Variants in KIRREL3 observed in about 807,000 individuals in gnomAD.
KIRREL3 encodes kin of IRRE-like protein 3.
KIRREL3 carries 36 observed loss-of-function variants against 89.7 expected under a neutral mutation model. That is an observed-to-expected ratio of 0.40 (90% CI 0.31 to 0.53). The LOEUF (loss-of-function observed/expected upper bound fraction) is 0.53. Among genes scored for constraint, KIRREL3 ranks in the 20% least tolerant of loss-of-function variants. The pLI is 0.49. For missense variants in KIRREL3, 864 were observed against 1,056.6 expected (o/e 0.82, Z 2.53); for synonymous variants, 445 against 441.4 (o/e 1.01, Z -0.10).
rs1804594412 is a variant in KIRREL3 at position 126,772,143 on chromosome 11, C to A, written c.56-209231G>T. Among the ~76,000 whole-genome samples the A allele has an allele frequency of 6.6e-6, 1 of 152,202 alleles. No individual in the cohort carries two copies. The highest frequency in any genetic ancestry group is 6.5e-5 in the Admixed American group (1 of 15,286). On this transcript the variant is annotated intron_variant, in intron 1 of 16. Transcript: ENST00000525144. The surrounding 1 kb of genome is among the most constrained non-coding windows in gnomAD (Gnocchi z 4.6). ...ACTAATGTCTTAGCTCTGGTCTGTT[C>A]TAGATTCCTCAACCTGAGCAGGTTC...
At chr11:126,929,613 C>CA (rs1947855819) in intron 1 of KIRREL3, among the ~76,000 whole-genome samples, 1 of 152,168 alleles carries the variant, frequency 6.6e-6, no homozygotes, top group Non-Finnish European at 1.5e-5. Context: ...AGGCCCCTGA[C>CA]CCAGTTTTGC....
chr11:126,972,973 C>T (rs1298468434), intron 1 of KIRREL3, among the ~76,000 whole-genome samples: 1 of 152,068 alleles, frequency 6.6e-6, no homozygotes, highest in Non-Finnish European at 1.5e-5. Context: ...CACCCTTTCA[C>T]TCAAGGAGGA....
rs1486347185 is a variant in KIRREL3, at chr11:126,521,773, C to G, written c.284-309G>C. Reference sequence around the variant, plus strand: ...TGTTTGTTAGTTTTTGAGACAGGGTCTTGCTCTGTCACTCAGATTGGAGTG... The same window carrying G: ...TGTTTGTTAGTTTTTGAGACAGGGTGTTGCTCTGTCACTCAGATTGGAGTG... On this transcript the variant is annotated intron_variant, in intron 3 of 16. Coordinates refer to ENST00000525144, the MANE Select transcript of KIRREL3 (RefSeq NM_032531.4). The surrounding 1 kb of genome is among the most constrained non-coding windows in gnomAD (Gnocchi z 4.1). Among the ~76,000 whole-genome samples, 1 of 151,484 alleles carries G rather than the reference C, an allele frequency of 6.6e-6. No homozygotes were observed. The highest frequency in any genetic ancestry group is 1.5e-5 in the Non-Finnish European group (1 of 67,972).
In KIRREL3 at chr11:126,687,644, TC is replaced by T. The variant is rs949606685; in HGVS notation, c.56-124733del. On this transcript the variant is annotated intron_variant, in intron 1 of 16. Coordinates refer to ENST00000525144, the MANE Select transcript of KIRREL3 (RefSeq NM_032531.4). The surrounding 1 kb of genome is among the most constrained non-coding windows in gnomAD (Gnocchi z 4.6). Reference sequence around the variant, plus strand: ...TGATAGAGTAAATCATTGATATTTTTCCCCATTGCTTCATTCAACAAATTTA... The same window carrying T: ...TGATAGAGTAAATCATTGATATTTTTCCCATTGCTTCATTCAACAAATTTA... Among the ~76,000 whole-genome samples, 6 of 152,212 alleles carry T rather than the reference TC, an allele frequency of 3.9e-5. No homozygotes were observed. The highest frequency in any genetic ancestry group is 1.4e-4 in the African/African-American group (6 of 41,456).
At chr11:126,536,976 G>A (rs953478353) in intron 2 of KIRREL3, among the ~76,000 whole-genome samples, 2 of 152,068 alleles carry the variant, frequency 1.3e-5, no homozygotes, top group Non-Finnish European at 2.9e-5. Flanking sequence ...TCCATGCTTG[G>A]AGGCGGCTCA....
Position 126,612,611 on chromosome 11 carries a change from T to C in KIRREL3, c.56-49699A>G, listed in dbSNP as rs1050398345. Among the ~76,000 whole-genome samples the C allele has an allele frequency of 1.3e-5, 2 of 152,222 alleles. No individual in the cohort carries two copies. Among genetic ancestry groups the C allele is most frequent in the Non-Finnish European group, 2.9e-5 (2 of 68,038 alleles). ...TTGCAACCATGGCCATGACCTCATT[T>C]TGGAACAATTTCATCGCCCCCAAAA... On this transcript the variant is annotated intron_variant, in intron 1 of 16. Transcript: ENST00000525144. This position sits in a 1 kb window ranked among gnomAD's most constrained non-coding sequence, Gnocchi z 4.5.
intron 1 of KIRREL3, among the ~76,000 whole-genome samples, chr11:126,966,344 G>A (rs1949269816): frequency 6.6e-6 from 1 of 152,178 alleles, no homozygotes; most frequent in African/African-American, 2.4e-5. Context: ...TTTGCCGATT[G>A]TCAGAGCAGC....
chr11:126,749,916 T>C (rs998136847), intron 1 of KIRREL3, among the ~76,000 whole-genome samples: 1 of 152,192 alleles, frequency 6.6e-6, no homozygotes, highest in African/African-American at 2.4e-5. Context: ...GAATCAGGGC[T>C]GTGTAGAGAA....
chr11:126,995,217 A>G lies in KIRREL3; in HGVS notation c.55+5238T>C. 1 of 456,192 alleles carries G rather than the reference A, an allele frequency of 2.2e-6. No homozygotes were observed. Among genetic ancestry groups the G allele is most frequent in the South Asian group, 1.5e-5 (1 of 64,552 alleles). The allele number at this position is 456,192 out of a possible 1,614,324, so 28.3% of individuals were successfully genotyped here. ...AGCTGCTCCCACCGACCCTGCTCCA[A>G]GAGTGCTGGGATGTCCGCTGGCCTC... is the stretch of plus-strand genomic sequence containing the variant. On this transcript the variant is annotated intron_variant, in intron 1 of 16. Coordinates refer to ENST00000525144, the MANE Select transcript of KIRREL3 (RefSeq NM_032531.4). This position sits in a 1 kb window ranked among gnomAD's most constrained non-coding sequence, Gnocchi z 6.5.
At chr11:126,512,788 G>A (rs73633718) in intron 4 of KIRREL3, among the ~76,000 whole-genome samples, 3,471 of 152,282 alleles carry the variant, frequency 0.023, 157 homozygotes, top group African/African-American at 0.079. Context: ...TCAGGAGGAA[G>A]GGAAGAGGAA....
rs1172455871 is a variant in KIRREL3, at chr11:126,611,413, C to T, written c.56-48501G>A. The stretch of plus-strand genomic sequence containing the variant: ...TGGTCTTTCTGATTGATCCATCAGT[C>T]TGCATTCTCCTTGCCGTCCTTGGTA... On this transcript the variant is annotated intron_variant, in intron 1 of 16. Coordinates refer to ENST00000525144, the MANE Select transcript of KIRREL3 (RefSeq NM_032531.4). The surrounding 1 kb of genome is among the most constrained non-coding windows in gnomAD (Gnocchi z 4.7). 1.3e-5 allele frequency among the ~76,000 whole-genome samples: 2 copies of T among 152,184 alleles called. No individual in the cohort carries two copies. The highest frequency in any genetic ancestry group is 2.9e-5 in the Non-Finnish European group (2 of 68,030).
At chr11:126,944,418 C>T (rs900029060) in intron 1 of KIRREL3, 1 of 152,206 alleles carries the variant, frequency 6.6e-6, no homozygotes, top group Non-Finnish European at 1.5e-5. Flanking sequence ...GGCACTTTGT[C>T]CAGGCCTCAC....
Position 126,568,302 on chromosome 11 carries a change from A to T in KIRREL3, c.56-5390T>A, listed in dbSNP as rs1940667209. On this transcript the variant is annotated intron_variant, in intron 1 of 16. Transcript: ENST00000525144. This position sits in a 1 kb window ranked among gnomAD's most constrained non-coding sequence, Gnocchi z 4.6. ...CACTGGTGCAGATGATGGATGGGAGATGAGCTCAGAGAAGGGAGGCTGGCT... is the reference window on the plus strand; with the variant it reads ...CACTGGTGCAGATGATGGATGGGAGTTGAGCTCAGAGAAGGGAGGCTGGCT... 6.7e-6 allele frequency among the ~76,000 whole-genome samples: 1 copy of T among 150,130 alleles called. No individual in the cohort carries two copies. The highest frequency in any genetic ancestry group is 2.1e-4 in the South Asian group (1 of 4,764).
chr11:126,842,719 A>C (rs1232210975), intron 1 of KIRREL3, among the ~76,000 whole-genome samples: 4 of 152,194 alleles, frequency 2.6e-5, no homozygotes, highest in African/African-American at 7.2e-5. Flanking sequence ...TGGAGCAACA[A>C]TTAGGGGCTG....
chr11:126,893,318 A>G (rs1487197638), intron 1 of KIRREL3, among the ~76,000 whole-genome samples: 2 of 152,224 alleles, frequency 1.3e-5, no homozygotes, highest in South Asian at 2.1e-4. Flanking sequence ...CAAAGGTAAC[A>G]CTAATTAGGT....
At chr11:126,456,287 C>G in intron 7 of KIRREL3, 62 bp downstream of exon 7, 1 of 1,137,882 alleles carries the variant, frequency 8.8e-7, no homozygotes, top group Non-Finnish European at 1.3e-6. Flanking sequence ...TGACATCCCA[C>G]GTGAGAGGCA....
At chr11:126,895,828 C>T (rs190245530) in intron 1 of KIRREL3, among the ~76,000 whole-genome samples, 320 of 152,244 alleles carry the variant, frequency 2.1e-3, no homozygotes, top group Non-Finnish European at 3.4e-3. Context: ...TGTCAGGAAC[C>T]CCAGTGACCA....
chr11:126,670,814 A>C (rs1471479387), intron 1 of KIRREL3, among the ~76,000 whole-genome samples: 2 of 152,256 alleles, frequency 1.3e-5, no homozygotes, highest in South Asian at 4.1e-4. Context: ...TTTTGTAGAT[A>C]CAACAAACTT....
chr11:126,433,128 C>T (rs1482161310), intron 13 of KIRREL3, among the ~76,000 whole-genome samples: 1 of 152,228 alleles, frequency 6.6e-6, no homozygotes, highest in Non-Finnish European at 1.5e-5. Flanking sequence ...ATCCGCCCGC[C>T]TCAGCCTCCG....
Sources: gnomAD v4.1 joint callset for allele counts (sites outside exome capture counted in the v4.1 genomes callset) on GRCh38, gnomAD v4.1.1 for gene constraint, Gnocchi (gnomAD v3.1) non-coding constraint, MANE v1.5 for transcripts, NCBI Gene and HGNC (gene_info 2026-07-23, HGNC 2026-07-21) for gene names.